OR51B5: variants seen among roughly 807,000 people sequenced by gnomAD.
OR51B5 encodes the protein olfactory receptor 51B5.
For synonymous variants in OR51B5, 186 were observed against 144.8 expected, an observed-to-expected ratio of 1.28 and a Z score of -2.04; for missense variants, 456 against 374.6, an observed-to-expected ratio of 1.22 and a Z score of -1.79.
intron 1 of OR51B5, among the ~76,000 whole-genome samples, chr11:5,369,571 A>G (rs1462005713): frequency 6.6e-6 from 1 of 152,188 alleles, no homozygotes; most frequent in Admixed American, 6.6e-5. Flanking sequence ...TGTCTATGAT[A>G]TAATTTAAAA....
At chr11:5,483,611 T>G (rs1322168992) in intron 1 of OR51B5, among the ~76,000 whole-genome samples, 1 of 150,378 alleles carries the variant, frequency 6.6e-6, no homozygotes, top group Non-Finnish European at 1.5e-5. Context: ...GAGATCAGAA[T>G]AGAGGAAAAG....
chr11:5,489,193 ATCT>A (rs35986511), intron 1 of OR51B5: 77,553 of 1,613,696 alleles, frequency 0.048, 4,916 homozygotes, highest in East Asian at 0.33. Context: ...CTCCCCCTTC[ATCT>A]TCTTGCTGAG....
intron 1 of OR51B5, among the ~76,000 whole-genome samples, chr11:5,393,482 A>G (rs1849827018): frequency 6.6e-6 from 1 of 152,152 alleles, no homozygotes; most frequent in Admixed American, 6.5e-5. Flanking sequence ...CTTATTTTCT[A>G]TATAGATTTC....
rs540801090 is a variant in OR51B5 at position 5,360,706 on chromosome 11, G to A, written n.85-13796C>T. 3.3e-5 allele frequency among the ~76,000 whole-genome samples: 5 copies of A among 151,636 alleles called. No individual in the cohort carries two copies. The East Asian group carries it at 9.7e-4, about 29-fold the overall frequency. ...CACATGCACATGTATGTTTATTGTG[G>A]CACTATTCACAATAGCAAAGACTTG... On this transcript the variant is annotated intron_variant and non_coding_transcript_variant, in intron 1 of 4. Coordinates refer to the OR51B5 transcript ENST00000415970.
intron 1 of OR51B5, among the ~76,000 whole-genome samples, chr11:5,387,014 G>A (rs551761001): frequency 6.6e-6 from 1 of 152,244 alleles, no homozygotes; most frequent in Non-Finnish European, 1.5e-5. Context: ...ACTCAGGCCT[G>A]ATATGTAACG....
chr11:5,347,870 A>T (rs1402823495), upstream of OR51B5, among the ~76,000 whole-genome samples: 1 of 152,148 alleles, frequency 6.6e-6, no homozygotes, highest in Non-Finnish European at 1.5e-5. Context: ...TTCTAAAATA[A>T]ATGTTCCTAC....
At chr11:5,387,062 C>G (rs1849706061) in intron 1 of OR51B5, among the ~76,000 whole-genome samples, 1 of 152,010 alleles carries the variant, frequency 6.6e-6, no homozygotes, top group Non-Finnish European at 1.5e-5. Flanking sequence ...TAAGAGCCAC[C>G]ACTGTATAAG....
intron 1 of OR51B5, among the ~76,000 whole-genome samples, chr11:5,385,833 A>C (rs1849684026): frequency 6.7e-6 from 1 of 148,522 alleles, no homozygotes; most frequent in African/African-American, 2.5e-5. Flanking sequence ...AAGAATATAT[A>C]ATGTATATAC....
At chr11:5,375,664 G>A (rs1354023946) in intron 1 of OR51B5, among the ~76,000 whole-genome samples, 3 of 152,058 alleles carry the variant, frequency 2.0e-5, no homozygotes, top group Non-Finnish European at 4.4e-5. Context: ...TGCAATCCTA[G>A]TCTCTGATAA....
At position 5,480,591 on chromosome 11, in the gene OR51B5, T is replaced by C. The variant is rs1233516211; in HGVS notation, n.84+24978A>G. Among the ~76,000 whole-genome samples the C allele has an allele frequency of 1.6e-4, 24 of 151,320 alleles. 1 individual carries two copies. The highest frequency in any genetic ancestry group is 1.0e-3 in the South Asian group (5 of 4,776). ...GGAGCTGGTTTTTTGAAAGGATCAA[T>C]AAAATTGATAGACCGCTAGCAAGAC... On this transcript the variant is annotated intron_variant and non_coding_transcript_variant, in intron 1 of 4. Coordinates refer to the OR51B5 transcript ENST00000415970.
intron 1 of OR51B5, among the ~76,000 whole-genome samples, chr11:5,473,193 A>G (rs451711): frequency 0.9 from 137,357 of 152,298 alleles, 62,403 homozygotes; most frequent in Non-Finnish European, 0.94. Context: ...ACTATCATAA[A>G]GACTTGCCAA....
At chr11:5,342,730 C>T in exon 1 of OR51B5, 1 of 1,613,686 alleles carries the variant, frequency 6.2e-7, no homozygotes. Context: ...TATGTGGAAC[C>T]TGCTTTCCAA....
intron 1 of OR51B5, among the ~76,000 whole-genome samples, chr11:5,414,687 A>G (rs1850209427): frequency 6.6e-6 from 1 of 152,222 alleles, no homozygotes; most frequent in East Asian, 1.9e-4. Context: ...AGACAAGGCC[A>G]ATACATAATG....
chr11:5,408,642 A>G (rs1432165954), intron 1 of OR51B5, among the ~76,000 whole-genome samples: 1 of 152,178 alleles, frequency 6.6e-6, no homozygotes, highest in Non-Finnish European at 1.5e-5. Context: ...AATAACATAC[A>G]AGACCAGCCT....
intron 1 of OR51B5, among the ~76,000 whole-genome samples, chr11:5,383,139 GA>G (rs1380206242): frequency 2.0e-5 from 3 of 151,950 alleles, no homozygotes; most frequent in Non-Finnish European, 4.4e-5. Context: ...AGAAAAGAAG[GA>G]AAAAAGTTTT....
chr11:5,425,831 C>T (rs1279939310), intron 1 of OR51B5, among the ~76,000 whole-genome samples: 1 of 151,942 alleles, frequency 6.6e-6, no homozygotes. Flanking sequence ...TAAATGGATC[C>T]ATTAGTTCAA....
At chr11:5,351,930 G>T (rs1478685802) in intron 1 of OR51B5, 2 of 1,613,070 alleles carry the variant, frequency 1.2e-6, no homozygotes, top group South Asian at 2.2e-5. Context: ...AGGTAATGAA[G>T]ATTGGTGTGC....
chr11:5,483,347 G>C (rs1262094787), intron 1 of OR51B5, among the ~76,000 whole-genome samples: 1 of 119,034 alleles, frequency 8.4e-6, no homozygotes, highest in East Asian at 3.0e-4. Context: ...TCACACTCTG[G>C]GGACTGTGAT....
chr11:5,495,272 G>C (rs1377996992), intron 1 of OR51B5, among the ~76,000 whole-genome samples: 1 of 152,152 alleles, frequency 6.6e-6, no homozygotes, highest in Non-Finnish European at 1.5e-5. Context: ...ATGTATGAAA[G>C]CATGAAACTC....
Sources: gnomAD v4.1 joint callset for allele counts (sites outside exome capture counted in the v4.1 genomes callset) on GRCh38, gnomAD v4.1.1 for gene constraint, MANE v1.5 for transcripts, NCBI Gene and HGNC (gene_info 2026-07-23, HGNC 2026-07-21) for gene names.